The following DDO variants were observed in gnomAD, a reference collection of about 807,000 sequenced individuals.
DDO encodes D-aspartate oxidase.
DDO carries 16 observed loss-of-function variants against 16.8 expected under a neutral mutation model. The ratio of observed to expected loss-of-function variants is 0.95; its 90% CI spans 0.65 to 1.45. The LOEUF (loss-of-function observed/expected upper bound fraction) is 1.45, where lower values mean the gene tolerates loss of function less well. DDO is among the 40% of genes most tolerant of loss of function. The pLI, the probability that DDO is intolerant of heterozygous loss-of-function variation, is 0.00. For synonymous variants in DDO, 180 were observed against 167.2 expected (o/e 1.08, Z -0.59); for missense variants, 429 against 420.3 (o/e 1.02, Z -0.18).
chr6:110,392,304 T>G lies in DDO; in HGVS notation c.*471A>C, dbSNP rs1342911705. The G allele has an allele frequency of 3.0e-6, 3 of 985,732 alleles. No homozygotes were observed. Among genetic ancestry groups the G allele is most frequent in the Non-Finnish European group, 3.6e-6 (3 of 830,248 alleles). 61.1% of individuals were successfully genotyped at this position (985,732 alleles called of 1,614,324 possible). A position where few individuals can be genotyped will look rare whatever the true frequency, so the allele number is the denominator to read the frequency against. The stretch of plus-strand genomic sequence containing the variant: ...GTTTTCCATACATTATCTCCTCCTG[T>G]GGATTTATAAGCCAAATGATATCAA... On this transcript the variant is annotated 3_prime_UTR_variant, in exon 5 of 5. Transcript: ENST00000368924.
downstream of DDO, among the ~76,000 whole-genome samples, chr6:110,389,517 C>T (rs566162666): frequency 3.9e-5 from 6 of 152,308 alleles, no homozygotes; most frequent in South Asian, 4.1e-4. Context: ...ATCACACTTA[C>T]ATTTGGCAGA....
chr6:110,396,075 A>G (rs777943780), intron 4 of DDO, among the ~76,000 whole-genome samples: 3 of 152,206 alleles, frequency 2.0e-5, no homozygotes. Context: ...CACGTTGATG[A>G]GCATGGAAGA....
intron 4 of DDO, among the ~76,000 whole-genome samples, chr6:110,403,650 A>G (rs1773554233): frequency 6.6e-6 from 1 of 152,246 alleles, no homozygotes; most frequent in Non-Finnish European, 1.5e-5. Flanking sequence ...TTGAAAAGCT[A>G]CAAAACTAGA....
chr6:110,393,467 C>T, intron 4 of DDO, 125 bp from the exon 5 acceptor site: 1 of 1,352,672 alleles, frequency 7.4e-7, no homozygotes, highest in East Asian at 2.6e-5. Flanking sequence ...ACCTCAGGAG[C>T]TTCCAGGGCC....
intron 2 of DDO, among the ~76,000 whole-genome samples, chr6:110,412,898 C>T (rs1773907104): frequency 6.6e-6 from 1 of 152,200 alleles, no homozygotes; most frequent in Non-Finnish European, 1.5e-5. Flanking sequence ...AATCCTAGCA[C>T]TTTGGGAGGC....
chr6:110,399,745 G>A (rs1187552020), intron 4 of DDO, among the ~76,000 whole-genome samples: 1 of 152,230 alleles, frequency 6.6e-6, no homozygotes, highest in Non-Finnish European at 1.5e-5. Context: ...CCCACACCGG[G>A]GTCAGGAGGG....
intron 2 of DDO, among the ~76,000 whole-genome samples, chr6:110,410,095 G>T (rs942734734): frequency 4.6e-5 from 7 of 152,228 alleles, no homozygotes; most frequent in Admixed American, 4.6e-4. Flanking sequence ...TCTCCATATG[G>T]TATTGACATT....
intron 4 of DDO, among the ~76,000 whole-genome samples, chr6:110,403,751 A>G (rs537882101): frequency 6.6e-6 from 1 of 152,206 alleles, no homozygotes. Context: ...TTATTTTACC[A>G]TGTGTGTTAC....
chr6:110,413,592 T>C, intron 1 of DDO, 126 bp from the exon 2 acceptor site: 1 of 933,462 alleles, frequency 1.1e-6, no homozygotes, highest in African/African-American at 1.7e-5. Flanking sequence ...CCTATTGGTG[T>C]TTCTTGTGAG....
At chr6:110,396,760 A>G (rs113826957) in intron 4 of DDO, among the ~76,000 whole-genome samples, 383 of 152,332 alleles carry the variant, frequency 2.5e-3, no homozygotes, top group Non-Finnish European at 3.9e-3. Context: ...AGTACTAAAT[A>G]TAGCAAATTT....
intron 4 of DDO, among the ~76,000 whole-genome samples, chr6:110,397,878 G>A (rs1299722077): frequency 1.3e-5 from 2 of 152,156 alleles, no homozygotes; most frequent in East Asian, 1.9e-4. Context: ...TATCCCATGG[G>A]TAATGCATAA....
At position 110,413,471 on chromosome 6, in the gene DDO, G is replaced by A. The variant is rs1272018325; in HGVS notation, c.-4-5C>T. ...ATCCGTGCTGTGTCCATGAGCCTGT[G>A]AGGAGGGAAATGGGAGCTATACCCC... On this transcript the variant is annotated splice_region_variant and splice_polypyrimidine_tract_variant and intron_variant, in intron 1 of 4. Transcript: ENST00000368924. The A allele has an allele frequency of 2.5e-6, 4 of 1,612,096 alleles. No individual in the cohort carries two copies. Among genetic ancestry groups the A allele is most frequent in the Non-Finnish European group, 3.4e-6 (4 of 1,179,438 alleles).
chr6:110,411,145 G>A (rs569544882), intron 2 of DDO, among the ~76,000 whole-genome samples: 6 of 152,022 alleles, frequency 3.9e-5, no homozygotes, highest in Non-Finnish European at 7.4e-5. Context: ...CCTCTTCCCT[G>A]GGAAACAGGA....
chr6:110,389,601 G>C (rs2114800476), downstream of DDO, among the ~76,000 whole-genome samples: 1 of 152,316 alleles, frequency 6.6e-6, no homozygotes, highest in South Asian at 2.1e-4. Context: ...TGTCCTGATA[G>C]GCATGGGGAC....
intron 4 of DDO, among the ~76,000 whole-genome samples, chr6:110,393,609 T>C (rs1773190101): frequency 6.6e-6 from 1 of 152,264 alleles, no homozygotes; most frequent in Admixed American, 6.5e-5. Flanking sequence ...TTTAAAATTT[T>C]GTAAAATTCC....
At chr6:110,402,510 C>T (rs1330571776) in intron 4 of DDO, among the ~76,000 whole-genome samples, 3 of 151,962 alleles carry the variant, frequency 2.0e-5, no homozygotes, top group Non-Finnish European at 2.9e-5. Context: ...ACTAAAAATA[C>T]AAAAATTAGC....
At chr6:110,408,954 A>C (rs1246482683) in intron 2 of DDO, among the ~76,000 whole-genome samples, 1 of 152,200 alleles carries the variant, frequency 6.6e-6, no homozygotes, top group African/African-American at 2.4e-5. Flanking sequence ...CTCGATGGGG[A>C]GTTCCAGGGG....
At chr6:110,398,822 A>G (rs553524780) in intron 4 of DDO, among the ~76,000 whole-genome samples, 1 of 152,320 alleles carries the variant, frequency 6.6e-6, no homozygotes, top group Non-Finnish European at 1.5e-5. Context: ...CAGGGCAAGT[A>G]GCTCAGTGTG....
intron 4 of DDO, among the ~76,000 whole-genome samples, chr6:110,402,046 C>A (rs1399693364): frequency 6.6e-6 from 1 of 152,224 alleles, no homozygotes; most frequent in Non-Finnish European, 1.5e-5. Context: ...AAACATCACA[C>A]AAACCCCAAC....
Sources: gnomAD v4.1 joint callset for allele counts (sites outside exome capture counted in the v4.1 genomes callset) on GRCh38, gnomAD v4.1.1 for gene constraint, MANE v1.5 for transcripts, NCBI Gene and HGNC (gene_info 2026-07-23, HGNC 2026-07-21) for gene names.